Variants in KLKB1 observed in about 807,000 individuals in gnomAD.
The protein encoded by KLKB1 is kallikrein B1, also known as plasma kallikrein.
Under a neutral mutation model 73.6 loss-of-function variants are expected in KLKB1, and 58 were observed. The observed-to-expected ratio is 0.79, with a 90% confidence interval of 0.64 to 0.98. The LOEUF is 0.98. Ranked by LOEUF, KLKB1 falls within the 50% of genes least tolerant of loss-of-function variation. The probability of loss-of-function intolerance (pLI) is 0.00; values close to 1 mark genes in which losing one functional copy is unlikely to be tolerated. For missense variants in KLKB1, 737 were observed against 763.8 expected, an observed-to-expected ratio of 0.96 and a Z score of 0.41; for synonymous variants, 280 against 258.1, an observed-to-expected ratio of 1.08 and a Z score of -0.81.
intron 2 of KLKB1, among the ~76,000 whole-genome samples, chr4:186,219,903 G>A (rs1175334025): frequency 6.6e-6 from 1 of 152,036 alleles, no homozygotes; most frequent in African/African-American, 2.4e-5. Flanking sequence ...CCTCCACTGT[G>A]GAGTAATAGA....
Position 186,240,998 on chromosome 4 carries a change from G to A in KLKB1, c.598+2633G>A, listed in dbSNP as rs115601565. On this transcript the variant is annotated intron_variant, in intron 6 of 14. Coordinates refer to ENST00000264690, the MANE Select transcript of KLKB1 (RefSeq NM_000892.5). ...CCCTGGATGGCTCATCTGTGTACTT[G>A]CTTTCTTGTTAAATTGCAGTGAGTT... is the stretch of plus-strand genomic sequence containing the variant. Among the ~76,000 whole-genome samples, 1,175 of 152,204 alleles carry A rather than the reference G, an allele frequency of 7.7e-3. 17 individuals carry two copies. Among genetic ancestry groups the A allele is most frequent in the African/African-American group, 0.027 (1,127 of 41,520 alleles).
intron 2 of KLKB1, chr4:186,212,450 T>C (rs1030532788): frequency 6.6e-6 from 1 of 152,354 alleles, no homozygotes; most frequent in South Asian, 2.1e-4. Context: ...AGGCAATACA[T>C]CTACCCACTC....
At position 186,236,905 on chromosome 4, in the gene KLKB1, A is replaced by T. The variant is rs768364619; in HGVS notation, c.453A>T (p.Ser151=). The change falls in exon 5 of 15, where the codon TCA becomes TCT. Residue 151 remains serine (S), a synonymous_variant. Transcript: ENST00000264690. ...GTAACATTCGCTGCCAGTTTTTTTC[A>T]TATGCCACGCAAACATTTCACAAGG... ...CTSNIRCQFF[S]YATQTFHKAE... The T allele has an allele frequency of 6.2e-7, 1 of 1,614,126 alleles. No homozygotes were observed. Among genetic ancestry groups the T allele is most frequent in the East Asian group, 2.2e-5 (1 of 44,872 alleles).
At chr4:186,213,886 C>G (rs193302006) in intron 2 of KLKB1, among the ~76,000 whole-genome samples, 1 of 152,324 alleles carries the variant, frequency 6.6e-6, no homozygotes, top group East Asian at 1.9e-4. Context: ...TGGGCACCCT[C>G]TTTTTCTAGG....
At chr4:186,214,492 G>A (rs991317137) in intron 2 of KLKB1, among the ~76,000 whole-genome samples, 11 of 152,132 alleles carry the variant, frequency 7.2e-5, no homozygotes, top group Non-Finnish European at 1.6e-4. Context: ...CTCTGTATTG[G>A]ATCATCAGCA....
chr4:186,251,903 G>C (rs1249863391), intron 10 of KLKB1, 42 bp downstream of exon 10: 1 of 1,599,844 alleles, frequency 6.3e-7, no homozygotes, highest in Non-Finnish European at 8.6e-7. Flanking sequence ...AGGGATGTCT[G>C]TCATGTTGAT....
chr4:186,257,443 TTCAA>T, intron 14 of KLKB1, 78 bp downstream of exon 14: 2 of 1,383,442 alleles, frequency 1.4e-6, no homozygotes, highest in Non-Finnish European at 2.0e-6. Flanking sequence ...AATAGCATAA[TTCAA>T]TCATAGTTTT....
intron 3 of KLKB1, among the ~76,000 whole-genome samples, chr4:186,232,632 T>C (rs4241818): frequency 0.56 from 85,369 of 152,148 alleles, 24,330 homozygotes; most frequent in East Asian, 0.68. Context: ...ACATTTCATC[T>C]GAATAAAGAA....
chr4:186,251,590 G>A lies in KLKB1; in HGVS notation c.972G>A (p.Lys324=). ...ATGTTTGCCAAGAGACTTGCACAAA[G>A]ATGATTCGCTGTCAGTTTTTCACTT... ...GVNVCQETCT[K]MIRCQFFTYS... Residue 324 remains lysine, a synonymous_variant, in exon 9 of 15, where the codon AAG becomes AAA. Transcript: ENST00000264690. The A allele has an allele frequency of 6.2e-7, 1 of 1,614,144 alleles. No individual in the cohort carries two copies. The highest frequency in any genetic ancestry group is 1.1e-5 in the South Asian group (1 of 91,088).
chr4:186,249,696 G>T (rs1738566291), intron 6 of KLKB1, among the ~76,000 whole-genome samples: 1 of 152,168 alleles, frequency 6.6e-6, no homozygotes, highest in African/African-American at 2.4e-5. Flanking sequence ...GTAGACCAAT[G>T]AGTATCAATG....
intron 5 of KLKB1, among the ~76,000 whole-genome samples, chr4:186,237,696 T>C (rs1737768002): frequency 6.6e-6 from 1 of 152,154 alleles, no homozygotes; most frequent in Admixed American, 6.6e-5. Context: ...ATGTATGGGG[T>C]ACAAGTGTAA....
chr4:186,253,797 C>G (rs978581793), intron 11 of KLKB1, among the ~76,000 whole-genome samples: 9 of 151,690 alleles, frequency 5.9e-5, no homozygotes, highest in African/African-American at 2.2e-4. Context: ...CATTTTCATA[C>G]TTTCCAAAAT....
intron 2 of KLKB1, among the ~76,000 whole-genome samples, chr4:186,219,163 G>T (rs530980084): frequency 2.0e-5 from 3 of 152,180 alleles, no homozygotes; most frequent in African/African-American, 7.2e-5. Context: ...TTGAGGGTGG[G>T]TCTGCCTCTC....
upstream of KLKB1, among the ~76,000 whole-genome samples, chr4:186,221,565 A>C (rs191323814): frequency 7.0e-4 from 106 of 152,138 alleles, no homozygotes; most frequent in Non-Finnish European, 2.1e-4. Context: ...TTGGTTGTTC[A>C]GGAGTATGTT....
At chr4:186,222,819 T>A (rs1295684992), upstream of KLKB1, among the ~76,000 whole-genome samples, 23 of 152,318 alleles carry the variant, frequency 1.5e-4, no homozygotes, top group Admixed American at 1.5e-3. Context: ...TTAGCATTTT[T>A]TGTAAGGCAG....
At chr4:186,221,815 A>C (rs1451850694), upstream of KLKB1, among the ~76,000 whole-genome samples, 1 of 152,200 alleles carries the variant, frequency 6.6e-6, no homozygotes, top group Non-Finnish European at 1.5e-5. Flanking sequence ...ATTGGTTTAT[A>C]GCATTTTGAA....
chr4:186,251,027 GA>G (rs1738641678), intron 7 of KLKB1, 191 bp from the exon 8 acceptor site: 1 of 571,802 alleles, frequency 1.7e-6, no homozygotes, highest in African/African-American at 1.9e-5. Flanking sequence ...TCTCCAGAGG[GA>G]GAGGTGGCTT....
At chr4:186,244,329 G>A (rs866729570) in intron 6 of KLKB1, among the ~76,000 whole-genome samples, 53 of 152,316 alleles carry the variant, frequency 3.5e-4, no homozygotes, top group African/African-American at 1.2e-3. Flanking sequence ...AAAAGGAGTT[G>A]TTTTGTAGAA....
chr4:186,241,510 T>G (rs1738050233), intron 6 of KLKB1, among the ~76,000 whole-genome samples: 5 of 152,124 alleles, frequency 3.3e-5, no homozygotes, highest in Admixed American at 2.6e-4. Flanking sequence ...CCTTCTCTTG[T>G]GGTCCATCTT....
Sources: allele counts gnomAD v4.1 joint callset (sites outside exome capture counted in the v4.1 genomes callset), GRCh38; gene constraint gnomAD v4.1.1; transcripts MANE v1.5; gene names NCBI Gene and HGNC (gene_info 2026-07-23, HGNC 2026-07-21).